The following DTX4 variants were observed in gnomAD, a reference collection of about 807,000 sequenced individuals.
The protein encoded by DTX4 is E3 ubiquitin-protein ligase DTX4.
Under a neutral mutation model 57.6 loss-of-function variants are expected in DTX4, and 28 were observed. The observed-to-expected ratio is 0.49, with a 90% confidence interval of 0.36 to 0.67. The LOEUF (loss-of-function observed/expected upper bound fraction) is 0.67, where lower values mean the gene tolerates loss of function less well. Among genes scored for constraint, DTX4 ranks in the 30% least tolerant of loss-of-function variants. DTX4 has a pLI of 0.00. For synonymous variants in DTX4, 316 were observed against 331.0 expected, an observed-to-expected ratio of 0.95 and a Z score of 0.49; for missense variants, 715 against 836.8, an observed-to-expected ratio of 0.85 and a Z score of 1.80.
chr11:59,183,384 A>T (rs1222952615), intron 2 of DTX4, among the ~76,000 whole-genome samples: 1 of 152,180 alleles, frequency 6.6e-6, no homozygotes, highest in African/African-American at 2.4e-5. Flanking sequence ...CAACCTGTTG[A>T]TGCTGTAGGT....
intron 5 of DTX4, 48 bp downstream of exon 5, chr11:59,191,223 A>G (rs1270810820): frequency 5.9e-6 from 9 of 1,529,922 alleles, no homozygotes; most frequent in African/African-American, 1.4e-5. Context: ...ATCACCCACA[A>G]GCATTTCCTC....
chr11:59,189,036 G>A, intron 3 of DTX4, 126 bp from the exon 4 acceptor site: 1 of 1,197,830 alleles, frequency 8.3e-7, no homozygotes. Flanking sequence ...ACAGGGTAGA[G>A]AATCCAGGAA....
intron 7 of DTX4, among the ~76,000 whole-genome samples, chr11:59,195,932 A>G (rs1013818238): frequency 5.3e-5 from 8 of 152,224 alleles, no homozygotes; most frequent in African/African-American, 1.9e-4. Flanking sequence ...TGATAGCTAT[A>G]CTTGGCTTTG....
intron 2 of DTX4, among the ~76,000 whole-genome samples, chr11:59,183,510 C>T (rs951061572): frequency 6.6e-6 from 1 of 152,208 alleles, no homozygotes; most frequent in Non-Finnish European, 1.5e-5. Context: ...TAGCATCTCA[C>T]AGCCACCCAA....
At chr11:59,185,832 G>T (rs1177172175) in intron 2 of DTX4, among the ~76,000 whole-genome samples, 1 of 152,128 alleles carries the variant, frequency 6.6e-6, no homozygotes, top group African/African-American at 2.4e-5. Flanking sequence ...CTTGCACAGG[G>T]CTCAGCTGTT....
chr11:59,192,528 G>T (rs1460649421), intron 6 of DTX4, among the ~76,000 whole-genome samples: 1 of 152,138 alleles, frequency 6.6e-6, no homozygotes, highest in Non-Finnish European at 1.5e-5. Context: ...GCCCCTGAGG[G>T]TTCTGAGGGG....
intron 1 of DTX4, among the ~76,000 whole-genome samples, chr11:59,180,306 AC>A (rs1209562911): frequency 2.6e-5 from 4 of 151,728 alleles, no homozygotes; most frequent in Admixed American, 2.0e-4. Flanking sequence ...CCATCCTGAT[AC>A]CCCCATGTTC....
chr11:59,173,083 C>G (rs1182598934), intron 1 of DTX4, among the ~76,000 whole-genome samples: 1 of 152,232 alleles, frequency 6.6e-6, no homozygotes, highest in African/African-American at 2.4e-5. Context: ...TTCATGCCCC[C>G]GCTTTTCAGC....
intron 5 of DTX4, among the ~76,000 whole-genome samples, chr11:59,191,713 C>T (rs983203601): frequency 2.6e-5 from 4 of 152,182 alleles, no homozygotes; most frequent in Admixed American, 6.5e-5. Context: ...TTTAAATAGC[C>T]GTCCCTCTGG....
intron 1 of DTX4, among the ~76,000 whole-genome samples, chr11:59,181,365 G>A (rs551264687): frequency 2.0e-5 from 3 of 152,302 alleles, no homozygotes; most frequent in African/African-American, 7.2e-5. Context: ...ACTCTAGGAA[G>A]GAGTTATCCT....
chr11:59,207,604 G>A lies in DTX4; in HGVS notation c.*2695G>A, dbSNP rs904976931. ...GATTTCAGTGAGAACCCTGCCAGCTGAGCCCTGTGCATCTACTACCTTGAC... is the reference window on the plus strand; with the variant it reads ...GATTTCAGTGAGAACCCTGCCAGCTAAGCCCTGTGCATCTACTACCTTGAC... On this transcript the variant is annotated 3_prime_UTR_variant, in exon 9 of 9. Coordinates refer to ENST00000227451, the MANE Select transcript of DTX4 (RefSeq NM_015177.2). 1 of 152,678 alleles carries A rather than the reference G, an allele frequency of 6.5e-6. No individual in the cohort carries two copies. Among genetic ancestry groups the A allele is most frequent in the African/African-American group, 2.4e-5 (1 of 41,452 alleles). The allele number at this position is 152,678 out of a possible 1,614,324, so 9.5% of individuals were successfully genotyped here. A position where few individuals can be genotyped will look rare whatever the true frequency, so the allele number is the denominator to read the frequency against.
At chr11:59,190,946 A>C (rs1156656045) in intron 4 of DTX4, among the ~76,000 whole-genome samples, 168 bp from the exon 5 acceptor site, 1 of 152,224 alleles carries the variant, frequency 6.6e-6, no homozygotes, top group African/African-American at 2.4e-5. Context: ...TAGCTTTTCC[A>C]CAATCCATAC....
chr11:59,184,062 C>A (rs1302076749), intron 2 of DTX4, among the ~76,000 whole-genome samples: 1 of 152,206 alleles, frequency 6.6e-6, no homozygotes, highest in Non-Finnish European at 1.5e-5. Context: ...TTATAACAGG[C>A]AAAATGCTGG....
chr11:59,189,854 C>T (rs1862575111), intron 4 of DTX4, among the ~76,000 whole-genome samples: 1 of 152,268 alleles, frequency 6.6e-6, no homozygotes, highest in Non-Finnish European at 1.5e-5. Context: ...GAACCCCCTC[C>T]TACCTGCAGG....
chr11:59,195,084 C>G, intron 6 of DTX4, 124 bp from the exon 7 acceptor site: 1 of 997,006 alleles, frequency 1.0e-6, no homozygotes, highest in Non-Finnish European at 1.6e-6. Flanking sequence ...AAACTAAGAT[C>G]TATCACTCAC....
At chr11:59,191,349 G>T (rs956587618) in intron 5 of DTX4, among the ~76,000 whole-genome samples, 174 bp downstream of exon 5, 2 of 152,198 alleles carry the variant, frequency 1.3e-5, no homozygotes, top group African/African-American at 2.4e-5. Flanking sequence ...AGCTGCAGCT[G>T]CACCTCAATC....
intron 2 of DTX4, among the ~76,000 whole-genome samples, chr11:59,183,385 T>G (rs904422821): frequency 6.6e-5 from 10 of 152,226 alleles, no homozygotes; most frequent in African/African-American, 2.2e-4. Flanking sequence ...AACCTGTTGA[T>G]GCTGTAGGTC....
chr11:59,190,431 A>G (rs549262949), intron 4 of DTX4, among the ~76,000 whole-genome samples: 2 of 152,346 alleles, frequency 1.3e-5, no homozygotes, highest in Admixed American at 1.3e-4. Flanking sequence ...AGAGAAATTA[A>G]GGGAGTGGCC....
chr11:59,186,864 A>G (rs1862535602), intron 2 of DTX4, among the ~76,000 whole-genome samples: 1 of 152,054 alleles, frequency 6.6e-6, no homozygotes, highest in South Asian at 2.1e-4. Context: ...CCATCCTCCC[A>G]TCCTGGTTTG....
Sources: allele counts gnomAD v4.1 joint callset (sites outside exome capture counted in the v4.1 genomes callset), GRCh38; gene constraint gnomAD v4.1.1; transcripts MANE v1.5; gene names NCBI Gene and HGNC (gene_info 2026-07-23, HGNC 2026-07-21).